Variants in ZNF536 observed in about 807,000 individuals in gnomAD.
ZNF536 encodes zinc finger protein 536.
A neutral mutation model predicts 84.5 loss-of-function variants in ZNF536; 13 were observed. The ratio of observed to expected loss-of-function variants is 0.15; its 90% CI spans 0.10 to 0.24. The LOEUF is 0.24. Ranked by LOEUF, ZNF536 falls within the 10% of genes least tolerant of loss-of-function variation. The pLI is 1.00. For missense variants in ZNF536, 1,536 were observed against 1,747.5 expected (o/e 0.88, Z 2.16); for synonymous variants, 811 against 742.5 (o/e 1.09, Z -1.50).
chr19:30,541,173 G>T lies in ZNF536; in HGVS notation c.2323+6174G>T, dbSNP rs112919263. Among the ~76,000 whole-genome samples the T allele has an allele frequency of 4.5e-3, 685 of 152,318 alleles. 7 individuals carry two copies. The highest frequency in any genetic ancestry group is 0.015 in the African/African-American group (641 of 41,558). ...AACATGGGTGGAAATGAAACTTCCA[G>T]CCGGCCCCATCCAGGTGCCTTATGG... On this transcript the variant is annotated intron_variant, in intron 3 of 4. Transcript: ENST00000355537.
At chr19:30,656,157 T>C (rs7255325) in intron 1 of ZNF536, among the ~76,000 whole-genome samples, 5,134 of 152,304 alleles carry the variant, frequency 0.034, 276 homozygotes, top group African/African-American at 0.11. Context: ...CCTGGAGACC[T>C]TCTCCTTGGT....
At chr19:30,545,921 C>A (rs1424673256) in intron 3 of ZNF536, among the ~76,000 whole-genome samples, 1 of 152,240 alleles carries the variant, frequency 6.6e-6, no homozygotes, top group Non-Finnish European at 1.5e-5. Flanking sequence ...TAAAACACAG[C>A]CTGAGTCCCA....
At chr19:30,647,811 C>A (rs770885183) in intron 1 of ZNF536, among the ~76,000 whole-genome samples, 1 of 152,106 alleles carries the variant, frequency 6.6e-6, no homozygotes, top group Non-Finnish European at 1.5e-5. Context: ...CCTTTGCTAG[C>A]GAAACTGTTT....
chr19:30,264,754 T>C (rs2025412962), intron 1 of ZNF536, among the ~76,000 whole-genome samples: 1 of 152,136 alleles, frequency 6.6e-6, no homozygotes, highest in South Asian at 2.1e-4. Context: ...GCAGTGCAGC[T>C]GAGGGTCAGT....
At chr19:30,600,580 C>T (rs1011546771) in intron 1 of ZNF536, among the ~76,000 whole-genome samples, 2 of 152,182 alleles carry the variant, frequency 1.3e-5, no homozygotes, top group Non-Finnish European at 2.9e-5. Context: ...ATGTATTGAA[C>T]ACACACCTGC....
intron 1 of ZNF536, among the ~76,000 whole-genome samples, chr19:30,564,636 C>T (rs1331699472): frequency 2.6e-5 from 4 of 152,238 alleles, no homozygotes; most frequent in Non-Finnish European, 5.9e-5. Flanking sequence ...CCCTGGCGCT[C>T]GGGCTGGAGC....
At chr19:30,379,416 A>G (rs981038412) in intron 1 of ZNF536, among the ~76,000 whole-genome samples, 1 of 151,882 alleles carries the variant, frequency 6.6e-6, no homozygotes, top group Admixed American at 6.6e-5. Context: ...CTCCTGGCTG[A>G]TGTCTTCTCC....
chr19:30,558,834 G>A (rs187617892), downstream of ZNF536, among the ~76,000 whole-genome samples: 110 of 152,168 alleles, frequency 7.2e-4, no homozygotes, highest in African/African-American at 2.3e-3. Context: ...TCCTTTTGGG[G>A]GACTGGGGGT....
intron 1 of ZNF536, among the ~76,000 whole-genome samples, chr19:30,604,991 A>G (rs958860604): frequency 1.3e-5 from 2 of 152,126 alleles, no homozygotes; most frequent in South Asian, 4.1e-4. Flanking sequence ...AGCAGATCAC[A>G]CTGCTGGAAC....
At chr19:30,464,902 C>G (rs552715407) in intron 2 of ZNF536, among the ~76,000 whole-genome samples, 8 of 151,868 alleles carry the variant, frequency 5.3e-5, no homozygotes, top group African/African-American at 1.9e-4. Context: ...TGTGGCTCTT[C>G]GGGGAATTTG....
chr19:30,488,228 T>G (rs1163997212), intron 2 of ZNF536, among the ~76,000 whole-genome samples: 1 of 152,216 alleles, frequency 6.6e-6, no homozygotes, highest in African/African-American at 2.4e-5. Flanking sequence ...GATGTATCTC[T>G]CTAATGCTAG....
Position 30,385,096 on chromosome 19 carries a change from A to G in ZNF536, c.-3+12540A>G, listed in dbSNP as rs139177472. Among the ~76,000 whole-genome samples the G allele has an allele frequency of 3.2e-3, 494 of 152,210 alleles. 2 individuals are homozygous for G. The highest frequency in any genetic ancestry group is 6.8e-3 in the Middle Eastern group (2 of 294). The stretch of plus-strand genomic sequence containing the variant: ...GCCAGTCCTTGTCACCTGCAGGATA[A>G]AGGTCTAACACCCGGACTTGATGTT... On this transcript the variant is annotated intron_variant, in intron 1 of 4. Coordinates refer to ENST00000355537, the MANE Select transcript of ZNF536 (RefSeq NM_014717.3).
chr19:30,450,621 TTAGA>T (rs767064958), intron 2 of ZNF536, among the ~76,000 whole-genome samples: 11 of 152,238 alleles, frequency 7.2e-5, no homozygotes, highest in South Asian at 6.2e-4. Context: ...TGATGCCCTC[TTAGA>T]TAGCCTCCTT....
intron 2 of ZNF536, among the ~76,000 whole-genome samples, chr19:30,306,875 C>T (rs762689586): frequency 3.3e-5 from 5 of 151,920 alleles, no homozygotes; most frequent in Non-Finnish European, 7.4e-5. Context: ...GTGTAAGAGC[C>T]ACAAAACATA....
chr19:30,596,134 G>C (rs578072805), intron 1 of ZNF536, among the ~76,000 whole-genome samples: 61 of 152,168 alleles, frequency 4.0e-4, no homozygotes, highest in African/African-American at 1.4e-3. Flanking sequence ...TAATGTGGCA[G>C]AGCTATTTTG....
intron 1 of ZNF536, among the ~76,000 whole-genome samples, chr19:30,614,957 T>TA (rs1300538965): frequency 4.4e-5 from 3 of 68,484 alleles, no homozygotes; most frequent in African/African-American, 1.5e-4. Flanking sequence ...TTTTTTTTTT[T>TA]TTTTTTTGAG....
chr19:30,650,676 C>G (rs1225599711), intron 1 of ZNF536, among the ~76,000 whole-genome samples: 3 of 152,184 alleles, frequency 2.0e-5, no homozygotes, highest in East Asian at 3.9e-4. Flanking sequence ...ACACATGACA[C>G]TGTTTCATCT....
chr19:30,346,083 A>G (rs1290164281), intron 2 of ZNF536, among the ~76,000 whole-genome samples: 2 of 152,176 alleles, frequency 1.3e-5, no homozygotes, highest in African/African-American at 4.8e-5. Context: ...TTACAGATTC[A>G]CTGCCATCGG....
At chr19:30,578,619 G>A (rs1466129859) in intron 1 of ZNF536, among the ~76,000 whole-genome samples, 1 of 152,232 alleles carries the variant, frequency 6.6e-6, no homozygotes, top group African/African-American at 2.4e-5. Flanking sequence ...CAATGGAATT[G>A]TTTAGGTCTA....
Sources: gnomAD v4.1 joint callset for allele counts (sites outside exome capture counted in the v4.1 genomes callset) on GRCh38, gnomAD v4.1.1 for gene constraint, MANE v1.5 for transcripts, NCBI Gene and HGNC (gene_info 2026-07-23, HGNC 2026-07-21) for gene names.